HDAC9: variants seen among roughly 807,000 people sequenced by gnomAD.
The protein encoded by HDAC9 is histone deacetylase 9.
HDAC9 carries 41 observed loss-of-function variants against 139.4 expected under a neutral mutation model. The observed-to-expected ratio is 0.29, with a 90% confidence interval of 0.23 to 0.38. HDAC9 has a LOEUF of 0.38. HDAC9 is among the 10% of genes least tolerant of loss of function. The pLI, the probability that HDAC9 is intolerant of heterozygous loss-of-function variation, is 1.00. For missense variants in HDAC9, 1,147 were observed against 1,297.0 expected (o/e 0.88, Z 1.78); for synonymous variants, 517 against 476.2 (o/e 1.09, Z -1.12).
chr7:18,633,978 A>G lies in HDAC9; in HGVS notation c.797-649A>G, dbSNP rs982236067. On this transcript the variant is annotated intron_variant, in intron 7 of 25. Coordinates refer to ENST00000686413, the MANE Select transcript of HDAC9 (RefSeq NM_178425.4). ...GGAATTTCTTGTTATATTGGTATTT[A>G]CAAATCTACATGTTAAATTTAGGCA... Among the ~76,000 whole-genome samples the G allele has an allele frequency of 1.2e-4, 18 of 152,092 alleles. 1 individual carries two copies. The highest frequency in any genetic ancestry group is 4.3e-4 in the African/African-American group (18 of 41,444).
chr7:18,585,247 C>A, intron 2 of HDAC9, 34 bp from the exon 3 acceptor site: 1 of 1,605,926 alleles, frequency 6.2e-7, no homozygotes, highest in South Asian at 1.1e-5. Context: ...ATTACCCTCC[C>A]CCACCCCATT....
intron 12 of HDAC9, among the ~76,000 whole-genome samples, chr7:18,696,213 A>T (rs1487183818): frequency 6.6e-6 from 1 of 151,882 alleles, no homozygotes; most frequent in African/African-American, 2.4e-5. Flanking sequence ...TAGACGTTTA[A>T]TTCAAACTAA....
chr7:18,990,196 T>C (rs1287153144), intron 25 of HDAC9, among the ~76,000 whole-genome samples: 1 of 152,160 alleles, frequency 6.6e-6, no homozygotes, highest in Non-Finnish European at 1.5e-5. Flanking sequence ...TATCTACTTT[T>C]GGTCTTTGAT....
At chr7:18,511,104 C>G (rs546138198) in intron 2 of HDAC9, among the ~76,000 whole-genome samples, 25 of 152,274 alleles carry the variant, frequency 1.6e-4, no homozygotes. Flanking sequence ...TTTGCAAAGG[C>G]TGCCAATTAG....
At chr7:18,829,860 A>G (rs1795730371) in intron 19 of HDAC9, among the ~76,000 whole-genome samples, 2 of 152,244 alleles carry the variant, frequency 1.3e-5, no homozygotes, top group Non-Finnish European at 1.5e-5. Context: ...ACTTTTCCCT[A>G]CAGAATATAG....
chr7:18,554,296 C>T (rs1818060472), intron 2 of HDAC9, among the ~76,000 whole-genome samples: 2 of 150,138 alleles, frequency 1.3e-5, no homozygotes, highest in Non-Finnish European at 3.0e-5. Flanking sequence ...GGTTAGTTGC[C>T]TCTGTGTACA....
intron 2 of HDAC9, among the ~76,000 whole-genome samples, chr7:18,252,024 CA>C: frequency 6.6e-6 from 1 of 152,150 alleles, no homozygotes; most frequent in Non-Finnish European, 1.5e-5. Flanking sequence ...CAAATAATTA[CA>C]AATAGCAAAT....
chr7:18,396,089 C>CTTCCT (rs1787012021), intron 1 of HDAC9, among the ~76,000 whole-genome samples: 1 of 112,898 alleles, frequency 8.9e-6, no homozygotes, highest in East Asian at 3.0e-4. Context: ...ATTCCCTTCC[C>CTTCCT]TTCCCTTCCC....
chr7:18,303,424 T>TGTGC (rs1562856317), intron 1 of HDAC9, among the ~76,000 whole-genome samples: 1 of 110,598 alleles, frequency 9.0e-6, no homozygotes, highest in Non-Finnish European at 1.6e-5. Flanking sequence ...TGTGTGTGTG[T>TGTGC]TTTTAGTAGA....
chr7:18,284,132 T>C (rs989824613), intron 2 of HDAC9, among the ~76,000 whole-genome samples: 2 of 152,188 alleles, frequency 1.3e-5, no homozygotes, highest in Non-Finnish European at 2.9e-5. Context: ...CTTTTTTGTG[T>C]AGTGTAGGAT....
intron 1 of HDAC9, among the ~76,000 whole-genome samples, chr7:18,136,663 A>G (rs1268885614): frequency 2.0e-5 from 3 of 151,980 alleles, no homozygotes; most frequent in Non-Finnish European, 4.4e-5. Context: ...ATTGATCTAT[A>G]TCTCTGTTTT....
intron 24 of HDAC9, among the ~76,000 whole-genome samples, chr7:18,972,340 T>C (rs1016039357): frequency 6.6e-6 from 1 of 151,866 alleles, no homozygotes; most frequent in Non-Finnish European, 1.5e-5. Flanking sequence ...GGAAATACTT[T>C]TAGTTAGCTC....
chr7:18,590,086 G>C (rs937380795), intron 3 of HDAC9, among the ~76,000 whole-genome samples: 1 of 152,188 alleles, frequency 6.6e-6, no homozygotes, highest in African/African-American at 2.4e-5. Context: ...AGACCTGAGT[G>C]AATTTAACAG....
intron 22 of HDAC9, among the ~76,000 whole-genome samples, chr7:18,880,331 C>A (rs1799638627): frequency 6.6e-6 from 1 of 152,150 alleles, no homozygotes; most frequent in Non-Finnish European, 1.5e-5. Flanking sequence ...GAATATAAAT[C>A]ATTTGACCAT....
chr7:18,628,955 T>C (rs1487478998), intron 6 of HDAC9, among the ~76,000 whole-genome samples: 1 of 152,122 alleles, frequency 6.6e-6, no homozygotes, highest in African/African-American at 2.4e-5. Context: ...ACTCTTTTAG[T>C]GGTTATTAAG....
chr7:18,789,921 A>G (rs1179031503), intron 16 of HDAC9, among the ~76,000 whole-genome samples: 1 of 152,164 alleles, frequency 6.6e-6, no homozygotes, highest in Non-Finnish European at 1.5e-5. Flanking sequence ...TGATGCTATC[A>G]CTAATATAGG....
In HDAC9 at chr7:18,499,177, G is replaced by A. The variant is rs775745046; in HGVS notation, c.22+2853G>A. Among the ~76,000 whole-genome samples the A allele has an allele frequency of 5.9e-5, 9 of 152,046 alleles. 1 individual carries two copies. In the South Asian group the frequency reaches 1.5e-3, roughly 25 times the overall value. ...TGTGATTGAACAGTGAACCCCAATCGCAGATTTCATGAGATTATTTTTAAA... is the reference window on the plus strand; with the variant it reads ...TGTGATTGAACAGTGAACCCCAATCACAGATTTCATGAGATTATTTTTAAA... On this transcript the variant is annotated intron_variant, in intron 2 of 25. Transcript: ENST00000686413.
chr7:18,408,587 G>A (rs1034157307), intron 1 of HDAC9, among the ~76,000 whole-genome samples: 2 of 152,108 alleles, frequency 1.3e-5, no homozygotes, highest in African/African-American at 4.8e-5. Context: ...ATGACTAGCT[G>A]GGCTGGGACT....
intron 12 of HDAC9, chr7:18,667,151 T>A: frequency 1.0e-6 from 1 of 985,198 alleles, no homozygotes; most frequent in Non-Finnish European, 1.2e-6. Context: ...AAATATTAGA[T>A]TATGTCTCAC....
Sources: allele counts gnomAD v4.1 joint callset (sites outside exome capture counted in the v4.1 genomes callset), GRCh38; gene constraint gnomAD v4.1.1; transcripts MANE v1.5; gene names NCBI Gene and HGNC (gene_info 2026-07-23, HGNC 2026-07-21).